COL28A1: variants seen among roughly 807,000 people sequenced by gnomAD.
COL28A1 encodes collagen type XXVIII alpha 1 chain, also known as collagen alpha-1(XXVIII) chain.
In COL28A1, 161 loss-of-function variants were observed where a neutral mutation model predicts 150.2. The ratio of observed to expected loss-of-function variants is 1.07; its 90% CI spans 0.94 to 1.22. The LOEUF is 1.22. COL28A1 is among the 50% of genes most tolerant of loss of function. The pLI is 0.00. For missense variants in COL28A1, 1,617 were observed against 1,388.3 expected (o/e 1.16, Z -2.62); for synonymous variants, 552 against 469.7 (o/e 1.18, Z -2.26).
chr7:7,372,442 T>TAAATAAATAAATAAATAAAA (rs1554260229), intron 32 of COL28A1, among the ~76,000 whole-genome samples: 2 of 143,812 alleles, frequency 1.4e-5, no homozygotes, highest in African/African-American at 5.9e-5. Flanking sequence ...AATAAATAAA[T>TAAATAAATAAATAAATAAAA]GGTTGTTCTT....
At chr7:7,481,766 C>T (rs1011533569) in intron 13 of COL28A1, among the ~76,000 whole-genome samples, 5 of 152,126 alleles carry the variant, frequency 3.3e-5, no homozygotes, top group African/African-American at 9.7e-5. Context: ...TTTCAATATG[C>T]ATTGCAAGCA....
At chr7:7,437,267 C>T (rs770932835) in intron 22 of COL28A1, 127 bp downstream of exon 22, 299 of 1,387,340 alleles carry the variant, frequency 2.2e-4, no homozygotes, top group Non-Finnish European at 2.6e-4. Flanking sequence ...TGTGAAGTTT[C>T]AGAGTTAAAC....
chr7:7,508,928 G>T (rs981963784), intron 9 of COL28A1, among the ~76,000 whole-genome samples: 1 of 152,134 alleles, frequency 6.6e-6, no homozygotes, highest in African/African-American at 2.4e-5. Flanking sequence ...CTGCCTCCCA[G>T]GTTCAAGCAA....
intron 18 of COL28A1, 56 bp from the exon 19 acceptor site, chr7:7,444,545 A>G: frequency 6.5e-7 from 1 of 1,541,726 alleles, no homozygotes; most frequent in Non-Finnish European, 8.9e-7. Context: ...ATTCTGAGGT[A>G]CTTGCAATTG....
upstream of COL28A1, among the ~76,000 whole-genome samples, chr7:7,536,128 T>G (rs1782627305): frequency 6.6e-6 from 1 of 152,188 alleles, no homozygotes; most frequent in Admixed American, 6.5e-5. Context: ...ATTGCTACAT[T>G]TCTTTGCCTG....
At chr7:7,442,402 A>G (rs1294511472) in intron 20 of COL28A1, among the ~76,000 whole-genome samples, 1 of 152,204 alleles carries the variant, frequency 6.6e-6, no homozygotes, top group African/African-American at 2.4e-5. Context: ...CCTATTTTCC[A>G]AAAACACATC....
chr7:7,431,635 A>T (rs1784982632), intron 25 of COL28A1: 1 of 471,020 alleles, frequency 2.1e-6, no homozygotes, highest in Admixed American at 2.3e-5. Context: ...GGCCATGGGA[A>T]GTGTTCAAAG....
chr7:7,398,554 A>G (rs1459950653), intron 27 of COL28A1, among the ~76,000 whole-genome samples: 1 of 152,228 alleles, frequency 6.6e-6, no homozygotes, highest in Non-Finnish European at 1.5e-5. Flanking sequence ...TTTAAGTCCT[A>G]GAGTTAAATA....
chr7:7,517,839 T>A lies in COL28A1; in HGVS notation c.814-2A>T, dbSNP rs148232605. ...AGCTTCTCCTTTTTGAGCGTTGCCC[T>A]GTGACAAACAAAAAACAGTAAAAAT... is the stretch of plus-strand genomic sequence containing the variant. On this transcript the variant is annotated splice_acceptor_variant, in intron 6 of 34. Transcript: ENST00000399429. LOFTEE classifies it high-confidence loss of function. The A allele has an allele frequency of 3.9e-5, 63 of 1,613,738 alleles. 1 individual carries two copies. In the African/African-American group the frequency reaches 7.1e-4, roughly 18 times the overall value.
rs771757254 is a variant in COL28A1, at chr7:7,358,444, G to A, written c.*189C>T. 7.8e-4 allele frequency: 377 copies of A among 486,130 alleles called. No individual in the cohort carries two copies. The highest frequency in any genetic ancestry group is 1.1e-3 in the Non-Finnish European group (304 of 285,178). The allele number at this position is 486,130 out of a possible 1,614,324, so 30.1% of individuals were successfully genotyped here. ...TTGACAAGTTACTAAACTTCTCAGA[G>A]CCTCAGCTTTCTTACCTATATAAGT... On this transcript the variant is annotated 3_prime_UTR_variant, in exon 35 of 35. Transcript: ENST00000399429.
intron 1 of COL28A1, among the ~76,000 whole-genome samples, chr7:7,533,663 C>A (rs1045161429): frequency 2.6e-5 from 4 of 152,010 alleles, no homozygotes; most frequent in African/African-American, 9.7e-5. Context: ...TGAATAGCCC[C>A]GTGAAACTAT....
chr7:7,506,951 T>C (rs1346012812), intron 10 of COL28A1, among the ~76,000 whole-genome samples, 166 bp downstream of exon 10: 2 of 152,202 alleles, frequency 1.3e-5, no homozygotes, highest in Non-Finnish European at 2.9e-5. Context: ...TTCCAAAATT[T>C]ATTGCACATT....
intron 27 of COL28A1, among the ~76,000 whole-genome samples, chr7:7,391,576 G>A (rs1039620613): frequency 6.6e-6 from 1 of 152,132 alleles, no homozygotes; most frequent in Non-Finnish European, 1.5e-5. Flanking sequence ...TGACAGTGCT[G>A]TGTAAAAGTC....
the COL28A1 span, among the ~76,000 whole-genome samples, chr7:7,344,418 G>T: frequency 2.0e-5 from 3 of 151,714 alleles, no homozygotes; most frequent in Admixed American, 1.3e-4. Flanking sequence ...TTTTTTAATA[G>T]TTGGTCTAGT....
At chr7:7,354,824 T>C (rs114428987), downstream of COL28A1, among the ~76,000 whole-genome samples, 4,405 of 152,250 alleles carry the variant, frequency 0.029, 217 homozygotes, top group African/African-American at 0.1. Flanking sequence ...CCCAGCAGGT[T>C]TGGCTTTATG....
At chr7:7,354,627 A>T (rs1780307840), downstream of COL28A1, among the ~76,000 whole-genome samples, 1 of 143,622 alleles carries the variant, frequency 7.0e-6, no homozygotes, top group Non-Finnish European at 1.6e-5. Flanking sequence ...TATTGATTTC[A>T]GCAAGAATCT....
chr7:7,358,806 C>A lies in COL28A1; in HGVS notation c.3206-1G>T. The stretch of plus-strand genomic sequence containing the variant: ...TTCAAGGCTTCCAAACATCTAGGAT[C>A]TAGAGTGAGAAAAGGAAAATGTGTC... On this transcript the variant is annotated splice_acceptor_variant, in intron 34 of 34. Transcript: ENST00000399429. LOFTEE classifies it high-confidence loss of function. 6.2e-7 allele frequency: 1 copy of A among 1,606,238 alleles called. No individual in the cohort carries two copies. Among genetic ancestry groups the A allele is most frequent in the Non-Finnish European group, 8.5e-7 (1 of 1,176,980 alleles).
chr7:7,474,825 T>C (rs1788735993), intron 14 of COL28A1, among the ~76,000 whole-genome samples, 156 bp from the exon 15 acceptor site: 1 of 152,212 alleles, frequency 6.6e-6, no homozygotes, highest in Non-Finnish European at 1.5e-5. Flanking sequence ...TAATTGACTC[T>C]GAGATTTGCA....
the COL28A1 span, among the ~76,000 whole-genome samples, chr7:7,347,649 A>G: frequency 4.6e-5 from 7 of 152,134 alleles, no homozygotes; most frequent in Non-Finnish European, 7.4e-5. Flanking sequence ...TTTCTGGGGC[A>G]AAGATGAGGA....
Sources: allele counts gnomAD v4.1 joint callset (sites outside exome capture counted in the v4.1 genomes callset), GRCh38; gene constraint gnomAD v4.1.1; transcripts MANE v1.5; gene names NCBI Gene and HGNC (gene_info 2026-07-23, HGNC 2026-07-21).